The following ATRN variants were observed in gnomAD, a reference collection of about 807,000 sequenced individuals.
ATRN encodes the protein attractin.
ATRN carries 54 observed loss-of-function variants against 178.7 expected under a neutral mutation model. The observed-to-expected ratio is 0.30, with a 90% CI of 0.24 to 0.38. The LOEUF (loss-of-function observed/expected upper bound fraction) is 0.38, where lower values mean the gene tolerates loss of function less well. Among genes scored for constraint, ATRN ranks in the 10% least tolerant of loss-of-function variants. ATRN has a pLI of 1.00. For missense variants in ATRN, 1,443 were observed against 1,815.1 expected, an observed-to-expected ratio of 0.79 and a Z score of 3.73; for synonymous variants, 636 against 663.0, an observed-to-expected ratio of 0.96 and a Z score of 0.63.
At chr20:3,563,819 A>G (rs1000452178) in intron 10 of ATRN, among the ~76,000 whole-genome samples, 14 of 152,374 alleles carry the variant, frequency 9.2e-5, no homozygotes, top group Non-Finnish European at 1.3e-4. Context: ...GATCTCTTTC[A>G]TAAAAATTGT....
intron 23 of ATRN, among the ~76,000 whole-genome samples, chr20:3,601,324 C>T (rs1035194863): frequency 1.3e-5 from 2 of 152,146 alleles, no homozygotes; most frequent in Non-Finnish European, 1.5e-5. Flanking sequence ...ACTACCCTAG[C>T]CCACCACCAC....
intron 1 of ATRN, among the ~76,000 whole-genome samples, chr20:3,525,669 G>A (rs993050536): frequency 5.9e-5 from 9 of 152,130 alleles, no homozygotes; most frequent in Non-Finnish European, 1.0e-4. Flanking sequence ...CTGGCACACC[G>A]AATCCAGCAG....
intron 5 of ATRN, among the ~76,000 whole-genome samples, chr20:3,548,588 C>A (rs2085741255): frequency 8.3e-6 from 1 of 120,878 alleles, no homozygotes; most frequent in Non-Finnish European, 1.7e-5. Context: ...ATAACAGAGC[C>A]AGACTCCATC....
At chr20:3,642,205 G>A (rs190495998) in intron 27 of ATRN, among the ~76,000 whole-genome samples, 227 of 152,298 alleles carry the variant, frequency 1.5e-3, no homozygotes, top group African/African-American at 4.9e-3. Context: ...CACTTCTTCA[G>A]TGATCTTCAC....
Position 3,632,583 on chromosome 20 carries a change from C to T in ATRN, c.3864-1728C>T, listed in dbSNP as rs971762261. ...CCCATACCTTCTCCAAGTCTTTGTT[C>T]AAATGTCACCTTCTGAGAAAGAAAG... On this transcript the variant is annotated intron_variant, in intron 25 of 28. Transcript: ENST00000262919. This position sits in a 1 kb window ranked among gnomAD's most constrained non-coding sequence, Gnocchi z 4.2. Among the ~76,000 whole-genome samples the T allele has an allele frequency of 3.9e-5, 6 of 152,176 alleles. No homozygotes were observed. Among genetic ancestry groups the T allele is most frequent in the Non-Finnish European group, 8.8e-5 (6 of 68,034 alleles).
chr20:3,564,699 A>G (rs990598903), intron 10 of ATRN, among the ~76,000 whole-genome samples: 1 of 152,182 alleles, frequency 6.6e-6, no homozygotes, highest in Non-Finnish European at 1.5e-5. Flanking sequence ...AATATAGAAA[A>G]GAGTGGAAAA....
At chr20:3,608,091 C>A (rs192630049) in intron 24 of ATRN, among the ~76,000 whole-genome samples, 1 of 152,152 alleles carries the variant, frequency 6.6e-6, no homozygotes, top group Non-Finnish European at 1.5e-5. Flanking sequence ...GTTTGAATTG[C>A]TGGTATATTC....
chr20:3,537,720 T>TC (rs2085558826), intron 2 of ATRN, among the ~76,000 whole-genome samples: 1 of 150,450 alleles, frequency 6.6e-6, no homozygotes, highest in Non-Finnish European at 1.5e-5. Context: ...GTCCAAGTGT[T>TC]CTCATTGTCC....
intron 1 of ATRN, among the ~76,000 whole-genome samples, chr20:3,517,224 A>C (rs1041787559): frequency 8.5e-5 from 13 of 152,212 alleles, no homozygotes; most frequent in Non-Finnish European, 1.5e-4. Flanking sequence ...CCATAGAAAA[A>C]GATTAATAGC....
At chr20:3,644,308 T>C (rs781448858) in intron 28 of ATRN, 40 bp downstream of exon 28, 34 of 1,507,942 alleles carry the variant, frequency 2.3e-5, no homozygotes, top group Admixed American at 6.7e-5. Flanking sequence ...CTTCTAAGCA[T>C]GTGAGGGAGC....
chr20:3,490,845 C>A, intron 1 of ATRN: 1 of 822,908 alleles, frequency 1.2e-6, no homozygotes, highest in Non-Finnish European at 2.2e-6. Context: ...ATACAGATCC[C>A]TCAGGTTCCC....
intron 1 of ATRN, among the ~76,000 whole-genome samples, chr20:3,513,330 T>C (rs1323447150): frequency 6.6e-6 from 1 of 152,242 alleles, no homozygotes; most frequent in African/African-American, 2.4e-5. Context: ...TACATATGGC[T>C]AGCCAGTTTT....
At chr20:3,565,127 T>C (rs2086014068) in intron 10 of ATRN, among the ~76,000 whole-genome samples, 1 of 152,110 alleles carries the variant, frequency 6.6e-6, no homozygotes, top group Non-Finnish European at 1.5e-5. Context: ...GGATTTCGGG[T>C]GCGTTTGCTA....
intron 24 of ATRN, among the ~76,000 whole-genome samples, chr20:3,612,308 A>G (rs1181464289): frequency 6.6e-6 from 1 of 152,250 alleles, no homozygotes; most frequent in Non-Finnish European, 1.5e-5. Flanking sequence ...ATAACATTTG[A>G]AAATGAAAAT....
At chr20:3,637,646 T>C (rs2087035727) in intron 26 of ATRN, among the ~76,000 whole-genome samples, 1 of 152,162 alleles carries the variant, frequency 6.6e-6, no homozygotes, top group Non-Finnish European at 1.5e-5. Flanking sequence ...TCTAATATCC[T>C]TAATGATATG....
chr20:3,552,514 C>T (rs531577067), intron 6 of ATRN, among the ~76,000 whole-genome samples: 2 of 152,322 alleles, frequency 1.3e-5, no homozygotes, highest in South Asian at 2.1e-4. Context: ...TGTTTCTTCA[C>T]ACCCCGTATT....
At chr20:3,505,227 C>A (rs776048397) in intron 1 of ATRN, among the ~76,000 whole-genome samples, 23 of 152,206 alleles carry the variant, frequency 1.5e-4, no homozygotes, top group Non-Finnish European at 1.9e-4. Context: ...TCTCATTTCT[C>A]TTCTGGAGCT....
At chr20:3,543,054 A>AC (rs2085647957) in intron 3 of ATRN, among the ~76,000 whole-genome samples, 1 of 152,124 alleles carries the variant, frequency 6.6e-6, no homozygotes, top group Admixed American at 6.5e-5. Context: ...ATGATGGTTA[A>AC]CCCTTCATTT....
chr20:3,584,643 A>G lies in ATRN; in HGVS notation c.2951-4A>G. 12 of 1,585,188 alleles carry G rather than the reference A, an allele frequency of 7.6e-6. No homozygotes were observed. Among genetic ancestry groups the G allele is most frequent in the Non-Finnish European group, 9.4e-6 (11 of 1,167,728 alleles). The stretch of plus-strand genomic sequence containing the variant: ...AGTCAATTGCAACTTTTTTTTTTTA[A>G]TAGCTGAAAATTGTTCAGGCTACTG... On this transcript the variant is annotated splice_region_variant and splice_polypyrimidine_tract_variant and intron_variant, in intron 17 of 28. Transcript: ENST00000262919.
Sources: allele counts gnomAD v4.1 joint callset (sites outside exome capture counted in the v4.1 genomes callset), GRCh38; gene constraint gnomAD v4.1.1; non-coding constraint Gnocchi (gnomAD v3.1); transcripts MANE v1.5; gene names NCBI Gene and HGNC (gene_info 2026-07-23, HGNC 2026-07-21).